Variants in JAK1 observed in about 807,000 individuals in gnomAD.
JAK1 encodes the protein tyrosine-protein kinase JAK1.
Under a neutral mutation model 136.6 loss-of-function variants are expected in JAK1, and 16 were observed. That is an observed-to-expected ratio of 0.12 (90% confidence interval 0.08 to 0.18). JAK1 has a LOEUF of 0.18. JAK1 is among the 10% of genes least tolerant of loss of function. JAK1 has a pLI of 1.00. For synonymous variants in JAK1, 492 were observed against 519.5 expected, an observed-to-expected ratio of 0.95 and a Z score of 0.72; for missense variants, 859 against 1,450.1, an observed-to-expected ratio of 0.59 and a Z score of 6.62.
intron 1 of JAK1, among the ~76,000 whole-genome samples, chr1:65,049,376 C>T (rs113626714): frequency 2.2e-4 from 33 of 152,250 alleles, no homozygotes; most frequent in African/African-American, 7.2e-4. Flanking sequence ...GAGCCATGAT[C>T]GTGGCCCTGC....
chr1:64,916,840 CAAAA>C (rs34248076), intron 1 of JAK1, among the ~76,000 whole-genome samples: 3 of 120,958 alleles, frequency 2.5e-5, no homozygotes, highest in Admixed American at 8.4e-5. Flanking sequence ...GACCCTTTCT[CAAAA>C]AAAAAAAAAA....
chr1:64,938,298 A>T (rs1392991503), intron 1 of JAK1, among the ~76,000 whole-genome samples: 1 of 152,196 alleles, frequency 6.6e-6, no homozygotes, highest in African/African-American at 2.4e-5. Context: ...GTACTGTGTG[A>T]TTTTATGTCT....
chr1:64,844,905 G>A lies in JAK1; in HGVS notation c.2116-16C>T. 1 of 1,614,114 alleles carries A rather than the reference G, an allele frequency of 6.2e-7. No individual in the cohort carries two copies. The highest frequency in any genetic ancestry group is 2.2e-5 in the East Asian group (1 of 44,864). ...CTTTATCCTCCTGCAGAGTAAAAAG[G>A]TCAAGTTTAGCCAAGCTGCTCCTTC... On this transcript the variant is annotated splice_polypyrimidine_tract_variant and intron_variant, in intron 15 of 24. Transcript: ENST00000342505. The surrounding 1 kb of genome is among the most constrained non-coding windows in gnomAD (Gnocchi z 5.7).
chr1:64,841,040 G>A (rs1432745775), intron 19 of JAK1, among the ~76,000 whole-genome samples: 1 of 152,186 alleles, frequency 6.6e-6, no homozygotes, highest in African/African-American at 2.4e-5. Context: ...AGGCAGGGAC[G>A]TGCATTCCGT....
At chr1:64,863,017 C>T (rs893630368) in intron 8 of JAK1, among the ~76,000 whole-genome samples, 7 of 150,482 alleles carry the variant, frequency 4.7e-5, no homozygotes, top group East Asian at 4.0e-4. Flanking sequence ...GCATGTGACA[C>T]GGGGCCTAAT....
intron 19 of JAK1, among the ~76,000 whole-genome samples, chr1:64,840,644 C>G (rs1654834925): frequency 6.6e-6 from 1 of 152,132 alleles, no homozygotes; most frequent in Non-Finnish European, 1.5e-5. Flanking sequence ...GCCTAGTCAA[C>G]ATAGCAAGAC....
At chr1:64,850,971 A>T in intron 11 of JAK1, 61 bp from the exon 12 acceptor site, 1 of 1,161,056 alleles carries the variant, frequency 8.6e-7, no homozygotes. Flanking sequence ...TCAGACAGCC[A>T]ACGTCTGCTG....
chr1:65,021,342 CAAGG>C (rs1353567836), intron 2 of JAK1, among the ~76,000 whole-genome samples: 9 of 152,216 alleles, frequency 5.9e-5, no homozygotes, highest in South Asian at 2.1e-4. Flanking sequence ...CAGCTGATGA[CAAGG>C]CGTACATTGG....
chr1:64,905,992 G>A (rs1251206698), intron 1 of JAK1, among the ~76,000 whole-genome samples: 9 of 152,126 alleles, frequency 5.9e-5, no homozygotes, highest in South Asian at 2.1e-4. Flanking sequence ...AATGCCACAT[G>A]CATGCCAACA....
At chr1:64,973,293 G>A (rs940419531) in intron 2 of JAK1, among the ~76,000 whole-genome samples, 5 of 143,838 alleles carry the variant, frequency 3.5e-5, no homozygotes, top group South Asian at 4.7e-4. Context: ...AAGAAAGGGC[G>A]AGAAAGAAAG....
intron 14 of JAK1, among the ~76,000 whole-genome samples, chr1:64,846,292 G>A (rs1248163527): frequency 6.6e-6 from 1 of 151,994 alleles, no homozygotes; most frequent in African/African-American, 2.4e-5. Flanking sequence ...AGGAGCCAGC[G>A]TCTTGCTGCT....
chr1:64,923,337 T>C (rs1645527937), intron 1 of JAK1, among the ~76,000 whole-genome samples: 1 of 152,246 alleles, frequency 6.6e-6, no homozygotes, highest in Non-Finnish European at 1.5e-5. Context: ...TACCCCTTCA[T>C]TATTCTAACT....
intron 2 of JAK1, chr1:64,992,110 T>C (rs1646662162): frequency 6.6e-6 from 1 of 152,136 alleles, no homozygotes; most frequent in African/African-American, 2.4e-5. Context: ...GCCAGGCGCA[T>C]TGGTTCACAC....
At chr1:64,967,702 T>C (rs1256709492), upstream of JAK1, among the ~76,000 whole-genome samples, 1 of 152,218 alleles carries the variant, frequency 6.6e-6, no homozygotes, top group Non-Finnish European at 1.5e-5. Context: ...AATTTGAGGT[T>C]TGGCCTCCAC....
chr1:64,853,840 G>A (rs963428245), intron 11 of JAK1, among the ~76,000 whole-genome samples: 1 of 152,202 alleles, frequency 6.6e-6, no homozygotes, highest in Non-Finnish European at 1.5e-5. Flanking sequence ...AGCCCATAGA[G>A]TGGTGAGTGA....
chr1:64,913,285 T>G (rs1645316574), intron 1 of JAK1, among the ~76,000 whole-genome samples: 1 of 152,058 alleles, frequency 6.6e-6, no homozygotes, highest in Admixed American at 6.5e-5. Context: ...TATTAAAACA[T>G]CAGGAACTAT....
chr1:64,980,220 T>C (rs1393725821), intron 2 of JAK1, among the ~76,000 whole-genome samples: 1 of 152,094 alleles, frequency 6.6e-6, no homozygotes, highest in East Asian at 1.9e-4. Flanking sequence ...CTCAACACGG[T>C]GCCTGGACTG....
Position 64,913,695 on chromosome 1 carries a change from G to GGAAA in JAK1, c.-77-27355_-77-27354insTTTC, listed in dbSNP as rs1645334896. ...AGGAAGGAAGGAAGGAAGGAAGGAA[G>GGAAA]GAAGGAAAGAAGGGAGGGAGGGAGG... On this transcript the variant is annotated intron_variant, in intron 1 of 24. Coordinates refer to ENST00000342505, the MANE Select transcript of JAK1 (RefSeq NM_002227.4). 7.9e-5 allele frequency among the ~76,000 whole-genome samples: 2 copies of GGAAA among 25,412 alleles called. 1 individual carries two copies. Among genetic ancestry groups the GGAAA allele is most frequent in the Non-Finnish European group, 2.2e-4 (2 of 9,242 alleles). The allele number at this position is 25,412 out of a possible 152,430, so 16.7% of individuals were successfully genotyped here. A position where few individuals can be genotyped will look rare whatever the true frequency, so the allele number is the denominator to read the frequency against.
At chr1:65,009,994 C>T (rs1646835101) in intron 2 of JAK1, among the ~76,000 whole-genome samples, 1 of 152,182 alleles carries the variant, frequency 6.6e-6, no homozygotes, top group South Asian at 2.1e-4. Context: ...TGTTCATGTA[C>T]CCACTAGACT....
Sources: gnomAD v4.1 joint callset for allele counts (sites outside exome capture counted in the v4.1 genomes callset) on GRCh38, gnomAD v4.1.1 for gene constraint, Gnocchi (gnomAD v3.1) non-coding constraint, MANE v1.5 for transcripts, NCBI Gene and HGNC (gene_info 2026-07-23, HGNC 2026-07-21) for gene names.